The following EFR3B variants were observed in gnomAD, a reference collection of about 807,000 sequenced individuals.
EFR3B encodes protein EFR3 homolog B.
EFR3B carries 64 observed loss-of-function variants against 104.7 expected under a neutral mutation model. The ratio of observed to expected loss-of-function variants is 0.61; its 90% CI spans 0.50 to 0.75. EFR3B has a LOEUF of 0.75. EFR3B is among the 30% of genes least tolerant of loss of function. The pLI, the probability that EFR3B is intolerant of heterozygous loss-of-function variation, is 0.00. For missense variants in EFR3B, 750 were observed against 1,078.5 expected (o/e 0.70, Z 4.27); for synonymous variants, 385 against 417.9 (o/e 0.92, Z 0.96).
At chr2:25,122,816 C>A (rs13007284) in intron 5 of EFR3B, among the ~76,000 whole-genome samples, 12,071 of 152,096 alleles carry the variant, frequency 0.079, 640 homozygotes, top group Non-Finnish European at 0.12. Context: ...CCTGTCTCTT[C>A]CCACTGGGAT....
chr2:25,151,310 C>A (rs1671000672), intron 20 of EFR3B, among the ~76,000 whole-genome samples: 1 of 152,014 alleles, frequency 6.6e-6, no homozygotes, highest in Admixed American at 6.6e-5. Context: ...GGCTAGAGTG[C>A]AATGGCGTGA....
chr2:25,104,213 A>G lies in EFR3B; in HGVS notation c.363+426A>G, dbSNP rs117002883. ...AAATACAAAAAAAAACAAAAACAAA[A>G]ATTAGCCGGATGTCATGGCACACAC... On this transcript the variant is annotated intron_variant, in intron 4 of 22. Transcript: ENST00000403714. 0.018 allele frequency among the ~76,000 whole-genome samples: 2,776 copies of G among 151,820 alleles called. 239 individuals are homozygous for G. In the East Asian group the frequency reaches 0.27, roughly 15 times the overall value.
intron 1 of EFR3B, among the ~76,000 whole-genome samples, chr2:25,059,195 C>T (rs950441284): frequency 6.6e-6 from 1 of 151,518 alleles, no homozygotes; most frequent in African/African-American, 2.4e-5. Flanking sequence ...TCACTGCAGC[C>T]TCCGCCTCCT....
intron 4 of EFR3B, among the ~76,000 whole-genome samples, chr2:25,120,181 G>C (rs561005967): frequency 2.7e-5 from 4 of 148,886 alleles, no homozygotes; most frequent in Non-Finnish European, 5.9e-5. Context: ...ATGGTGAAAC[G>C]CTGTCTCTAC....
intron 4 of EFR3B, among the ~76,000 whole-genome samples, chr2:25,110,928 C>G (rs1043685234): frequency 6.6e-6 from 1 of 152,218 alleles, no homozygotes; most frequent in Non-Finnish European, 1.5e-5. Context: ...CTCTGCCCCT[C>G]TTTTATTCAT....
chr2:25,118,441 G>T (rs539033699), intron 4 of EFR3B, among the ~76,000 whole-genome samples: 1 of 152,108 alleles, frequency 6.6e-6, no homozygotes, highest in Non-Finnish European at 1.5e-5. Flanking sequence ...ATTCCACTGT[G>T]TGTGTGTGTA....
chr2:25,112,872 G>A (rs1046934998), intron 4 of EFR3B, among the ~76,000 whole-genome samples: 16 of 152,186 alleles, frequency 1.1e-4, no homozygotes, highest in Non-Finnish European at 4.4e-5. Flanking sequence ...CAGGAAGTTG[G>A]TTGGTTCAGA....
intron 3 of EFR3B, among the ~76,000 whole-genome samples, chr2:25,102,517 G>A (rs1338269285): frequency 2.0e-5 from 3 of 152,118 alleles, no homozygotes; most frequent in African/African-American, 4.8e-5. Context: ...AGAGCTGAGC[G>A]AAGGGGGAAG....
chr2:25,081,595 A>G, intron 1 of EFR3B: 1 of 839,710 alleles, frequency 1.2e-6, no homozygotes, highest in South Asian at 1.4e-5. Flanking sequence ...ATAACTTCCT[A>G]GAGCCTGAGC....
At chr2:25,078,576 C>T (rs1162355050) in intron 1 of EFR3B, among the ~76,000 whole-genome samples, 2 of 152,206 alleles carry the variant, frequency 1.3e-5, no homozygotes, top group Admixed American at 6.5e-5. Context: ...TCACACATCA[C>T]GCCAGCTTCC....
chr2:25,127,051 G>T (rs1670186609), intron 5 of EFR3B, among the ~76,000 whole-genome samples: 1 of 151,674 alleles, frequency 6.6e-6, no homozygotes, highest in Admixed American at 6.6e-5. Flanking sequence ...AATTAGCCGG[G>T]CATAGTGGCA....
intron 1 of EFR3B, among the ~76,000 whole-genome samples, chr2:25,055,890 C>T (rs750758725): frequency 5.3e-5 from 8 of 152,146 alleles, no homozygotes; most frequent in African/African-American, 1.7e-4. Flanking sequence ...TTACTGTTGT[C>T]GTTTATTTCT....
rs112920047 is a variant in EFR3B, at chr2:25,136,156, G to T, written c.1485-367G>T. 7.5e-4 allele frequency among the ~76,000 whole-genome samples: 114 copies of T among 152,026 alleles called. 2 individuals are homozygous for T. Among genetic ancestry groups the T allele is most frequent in the Admixed American group, 2.0e-4 (3 of 15,244 alleles). On this transcript the variant is annotated intron_variant, in intron 13 of 22. Transcript: ENST00000403714. This position sits in a 1 kb window ranked among gnomAD's most constrained non-coding sequence, Gnocchi z 4.0. ...CATAGTGAGACCCCCATCTCTACAA[G>T]AAAATTTAAAAATTAGCCGAGTGTG...
At chr2:25,043,995 G>A (rs1181141948) in intron 1 of EFR3B, among the ~76,000 whole-genome samples, 4 of 152,342 alleles carry the variant, frequency 2.6e-5, no homozygotes, top group Admixed American at 6.5e-5. Flanking sequence ...GGGGTCCCAG[G>A]CTGCCTCTGT....
chr2:25,105,183 C>T (rs1162553960), intron 4 of EFR3B, among the ~76,000 whole-genome samples: 8 of 152,122 alleles, frequency 5.3e-5, no homozygotes, highest in South Asian at 2.1e-4. Flanking sequence ...GACTGAGCCT[C>T]GCTCTGTCAC....
rs1670437343 is a variant in EFR3B, at chr2:25,133,424, C to A, written c.1301C>A (p.Ser434Tyr). 1 of 1,552,250 alleles carries A rather than the reference C, an allele frequency of 6.4e-7. No individual in the cohort carries two copies. Among genetic ancestry groups the A allele is most frequent in the Non-Finnish European group, 8.7e-7 (1 of 1,147,150 alleles). The change falls in exon 12 of 23, where the codon TCC becomes TAC. Residue 434 changes from serine (S) to tyrosine (Y), a missense_variant. Coordinates refer to ENST00000403714, the MANE Select transcript of EFR3B (RefSeq NM_014971.2). Reference sequence around the variant, plus strand: ...CTGACCCAGATTATGCTGCTAAAATCCCTCCTGCAGGTGAGCCCCATCTAT... The same window carrying A: ...CTGACCCAGATTATGCTGCTAAAATACCTCCTGCAGGTGAGCCCCATCTAT... ...NRLTQIMLLK[S>Y]LLQVSTGFQC...
At position 25,084,812 on chromosome 2, in the gene EFR3B, A is replaced by G. The variant is rs1317758727; in HGVS notation, c.8-6513A>G. On this transcript the variant is annotated intron_variant, in intron 1 of 22. Transcript: ENST00000403714. ...TAAAAGAGAAAGGGTTGCATTTTTT[A>G]GAGTTTCTGATTAGCCTCTTCAAAT... Among the ~76,000 whole-genome samples, 7 of 152,322 alleles carry G rather than the reference A, an allele frequency of 4.6e-5. No homozygotes were observed. The East Asian group carries it at 1.3e-3, about 29-fold the overall frequency.
intron 16 of EFR3B, 126 bp downstream of exon 16, chr2:25,139,316 C>T: frequency 1.6e-6 from 2 of 1,216,688 alleles, no homozygotes; most frequent in Admixed American, 3.0e-5. Context: ...GAAGTAAGAA[C>T]CACTAATGGT....
chr2:25,056,116 A>G (rs1199678886), intron 1 of EFR3B, among the ~76,000 whole-genome samples: 1 of 152,232 alleles, frequency 6.6e-6, no homozygotes, highest in African/African-American at 2.4e-5. Context: ...CTCTAAGGTC[A>G]GAGAGAGTCC....
Sources: gnomAD v4.1 joint callset for allele counts (sites outside exome capture counted in the v4.1 genomes callset) on GRCh38, gnomAD v4.1.1 for gene constraint, Gnocchi (gnomAD v3.1) non-coding constraint, MANE v1.5 for transcripts, NCBI Gene and HGNC (gene_info 2026-07-23, HGNC 2026-07-21) for gene names.